The following OPCML variants were observed in gnomAD, a reference collection of about 807,000 sequenced individuals.
OPCML encodes the protein opioid-binding protein/cell adhesion molecule.
A neutral mutation model predicts 37.8 loss-of-function variants in OPCML; 13 were observed. The ratio of observed to expected loss-of-function variants is 0.34; its 90% confidence interval spans 0.22 to 0.55. OPCML has a LOEUF of 0.55. Ranked by LOEUF, OPCML falls within the 20% of genes least tolerant of loss-of-function variation. OPCML has a pLI of 0.91. For missense variants in OPCML, 341 were observed against 435.6 expected (o/e 0.78, Z 1.93); for synonymous variants, 176 against 168.8 (o/e 1.04, Z -0.33).
At chr11:132,696,442 G>GTCT (rs1943602026) in intron 2 of OPCML, among the ~76,000 whole-genome samples, 1 of 152,094 alleles carries the variant, frequency 6.6e-6, no homozygotes, top group Non-Finnish European at 1.5e-5. Flanking sequence ...ACAGGGAACA[G>GTCT]GAGAAAGTAT....
At chr11:132,503,492 C>T (rs2096250032) in intron 4 of OPCML, among the ~76,000 whole-genome samples, 1 of 152,002 alleles carries the variant, frequency 6.6e-6, no homozygotes, top group Non-Finnish European at 1.5e-5. Context: ...CAAATAAAAT[C>T]TAACAATGCA....
chr11:133,365,119 T>C (rs1359657492), intron 1 of OPCML, among the ~76,000 whole-genome samples: 1 of 151,724 alleles, frequency 6.6e-6, no homozygotes, highest in Admixed American at 6.6e-5. Context: ...ACCACTGCTG[T>C]GCAATGCCGA....
chr11:133,194,433 T>G (rs923804440), intron 1 of OPCML, among the ~76,000 whole-genome samples: 1 of 152,012 alleles, frequency 6.6e-6, no homozygotes. Context: ...TGGTCTCGAA[T>G]TCCTGACCCC....
chr11:133,286,673 C>G (rs1942308991), intron 1 of OPCML, among the ~76,000 whole-genome samples: 1 of 152,136 alleles, frequency 6.6e-6, no homozygotes, highest in Non-Finnish European at 1.5e-5. Context: ...GTCAGTAAGA[C>G]TGGAGCCTGA....
intron 2 of OPCML, 128 bp from the exon 3 acceptor site, chr11:132,657,447 A>T: frequency 6.9e-7 from 1 of 1,440,672 alleles, no homozygotes; most frequent in Non-Finnish European, 9.1e-7. Context: ...CAGTGCTAAA[A>T]GGAAACAATT....
chr11:133,043,290 T>C (rs1472535184), intron 1 of OPCML, among the ~76,000 whole-genome samples: 1 of 152,152 alleles, frequency 6.6e-6, no homozygotes, highest in Non-Finnish European at 1.5e-5. Flanking sequence ...CTGGCCTAAA[T>C]TTCCTCTGGA....
chr11:133,363,749 A>G (rs1018331711), intron 1 of OPCML, among the ~76,000 whole-genome samples: 1 of 152,138 alleles, frequency 6.6e-6, no homozygotes, highest in African/African-American at 2.4e-5. Flanking sequence ...ACGACCCCCA[A>G]AGGTCAGTGG....
chr11:133,198,294 A>G lies in OPCML; in HGVS notation c.62-255284T>C, dbSNP rs553819610. Reference sequence around the variant, plus strand: ...TGTGAAAAATCTTCAGGAGTTTTGTAGTTTTCTCACAGTTCTGAGTTTTAA... The same window carrying G: ...TGTGAAAAATCTTCAGGAGTTTTGTGGTTTTCTCACAGTTCTGAGTTTTAA... On this transcript the variant is annotated intron_variant, in intron 1 of 7. Transcript: ENST00000524381. 9.8e-5 allele frequency among the ~76,000 whole-genome samples: 15 copies of G among 152,370 alleles called. No homozygotes were observed. In the South Asian group the frequency reaches 3.1e-3, roughly 32 times the overall value.
intron 2 of OPCML, among the ~76,000 whole-genome samples, chr11:132,794,638 C>A (rs1308471827): frequency 6.6e-6 from 1 of 152,014 alleles, no homozygotes; most frequent in African/African-American, 2.4e-5. Flanking sequence ...GAATGGACAC[C>A]ACAAGCCACA....
At chr11:133,240,966 T>C (rs145342128) in intron 1 of OPCML, among the ~76,000 whole-genome samples, 10 of 152,356 alleles carry the variant, frequency 6.6e-5, no homozygotes, top group African/African-American at 2.2e-4. Flanking sequence ...GGCTACCCTA[T>C]ATTTGTTTAG....
intron 3 of OPCML, among the ~76,000 whole-genome samples, chr11:132,556,805 A>G (rs2096396662): frequency 1.3e-5 from 2 of 152,132 alleles, no homozygotes; most frequent in South Asian, 4.1e-4. Flanking sequence ...CTGATATTAC[A>G]CTTACCTGCA....
At chr11:133,415,541 C>G (rs1394403085) in intron 1 of OPCML, among the ~76,000 whole-genome samples, 2 of 152,060 alleles carry the variant, frequency 1.3e-5, no homozygotes, top group Non-Finnish European at 2.9e-5. Context: ...GAGTTACAGT[C>G]AGGGAGGGTC....
chr11:133,121,742 TA>T (rs1254506252), intron 1 of OPCML, among the ~76,000 whole-genome samples: 3 of 152,236 alleles, frequency 2.0e-5, no homozygotes, highest in African/African-American at 7.2e-5. Context: ...CCTACCCATT[TA>T]AGGCTCTTGA....
chr11:133,214,781 G>A (rs1939515052), intron 1 of OPCML, among the ~76,000 whole-genome samples: 1 of 152,014 alleles, frequency 6.6e-6, no homozygotes, highest in South Asian at 2.1e-4. Context: ...TTTCCTCTCG[G>A]TTTATGACCT....
At chr11:132,835,846 A>T (rs1940971879) in intron 2 of OPCML, among the ~76,000 whole-genome samples, 1 of 152,168 alleles carries the variant, frequency 6.6e-6, no homozygotes, top group African/African-American at 2.4e-5. Flanking sequence ...ATCTGATCTT[A>T]AAAAAATCCA....
At chr11:132,692,798 C>G (rs1416032065) in intron 2 of OPCML, among the ~76,000 whole-genome samples, 1 of 152,178 alleles carries the variant, frequency 6.6e-6, no homozygotes, top group Non-Finnish European at 1.5e-5. Context: ...CCCTACCACT[C>G]AAGTTCATGC....
intron 2 of OPCML, among the ~76,000 whole-genome samples, chr11:132,795,285 A>G (rs1385003712): frequency 6.6e-6 from 1 of 152,168 alleles, no homozygotes; most frequent in Non-Finnish European, 1.5e-5. Context: ...TGTACTGGAG[A>G]AGACTTTAAA....
At chr11:132,641,254 CGTCA>C in intron 3 of OPCML, among the ~76,000 whole-genome samples, 1 of 152,268 alleles carries the variant, frequency 6.6e-6, no homozygotes, top group Non-Finnish European at 1.5e-5. Flanking sequence ...TCCTTAAGGA[CGTCA>C]ATGCTGGTTA....
chr11:132,668,838 C>T lies in OPCML; in HGVS notation c.147-11519G>A, dbSNP rs75159966. Among the ~76,000 whole-genome samples, 1,059 of 152,238 alleles carry T rather than the reference C, an allele frequency of 7.0e-3. 18 individuals carry two copies. The highest frequency in any genetic ancestry group is 0.024 in the African/African-American group (1,016 of 41,552). On this transcript the variant is annotated intron_variant, in intron 2 of 7. Coordinates refer to ENST00000524381, the MANE Select transcript of OPCML (RefSeq NM_001012393.5). ...CTATAGATTCTCGTACTTCTAGTAACATTTTCTGTTTTTTCAAAAATGTCT... is the reference window on the plus strand; with the variant it reads ...CTATAGATTCTCGTACTTCTAGTAATATTTTCTGTTTTTTCAAAAATGTCT...
Sources: gnomAD v4.1 joint callset for allele counts (sites outside exome capture counted in the v4.1 genomes callset) on GRCh38, gnomAD v4.1.1 for gene constraint, MANE v1.5 for transcripts, NCBI Gene and HGNC (gene_info 2026-07-23, HGNC 2026-07-21) for gene names.